Variants in TEC observed in about 807,000 individuals in gnomAD.
The protein encoded by TEC is tyrosine-protein kinase Tec.
TEC carries 72 observed loss-of-function variants against 93.0 expected under a neutral mutation model. The observed-to-expected ratio is 0.77, with a 90% confidence interval of 0.64 to 0.94. TEC has a LOEUF of 0.94. Among genes scored for constraint, TEC ranks in the 40% least tolerant of loss-of-function variants. TEC has a pLI of 0.00. For missense variants in TEC, 630 were observed against 757.9 expected (o/e 0.83, Z 1.98); for synonymous variants, 249 against 247.7 (o/e 1.01, Z -0.05).
At chr4:48,148,181 C>T (rs970287367) in intron 11 of TEC, among the ~76,000 whole-genome samples, 6 of 151,960 alleles carry the variant, frequency 3.9e-5, no homozygotes, top group Admixed American at 6.6e-5. Context: ...TGATAGTTGG[C>T]ACAACTCTGT....
At chr4:48,212,108 A>T (rs866496800) in intron 2 of TEC, among the ~76,000 whole-genome samples, 1 of 86,584 alleles carries the variant, frequency 1.2e-5, no homozygotes, top group Admixed American at 1.5e-4. Flanking sequence ...CAAAAAAAAA[A>T]AAATATATAT....
intron 2 of TEC, among the ~76,000 whole-genome samples, chr4:48,227,883 C>T (rs1723525730): frequency 6.6e-6 from 1 of 152,140 alleles, no homozygotes; most frequent in South Asian, 2.1e-4. Flanking sequence ...GAAGGAGAAG[C>T]TAAAGCCACC....
At position 48,139,019 on chromosome 4, in the gene TEC, A is replaced by G. The variant is rs56403416; in HGVS notation, c.1539T>C (p.Tyr513=). The part of the protein sequence containing the change: ...VKVSDFGMAR[Y]VLDDQYTSSS... ...AACTTGTGTACTGATCATCCAGAACATACCTAGAGTAAGACACACCATGGG... is the reference window on the plus strand; with the variant it reads ...AACTTGTGTACTGATCATCCAGAACGTACCTAGAGTAAGACACACCATGGG... The change falls in exon 16 of 18, where the codon TAT becomes TAC. Residue 513 remains tyrosine, a synonymous_variant. Coordinates refer to ENST00000381501, the MANE Select transcript of TEC (RefSeq NM_003215.3). The G allele has an allele frequency of 4.1e-4, 659 of 1,612,572 alleles. 1 individual carries two copies. Among genetic ancestry groups the G allele is most frequent in the Non-Finnish European group, 5.4e-4 (641 of 1,178,592 alleles).
At chr4:48,256,669 T>C (rs1724355319) in intron 1 of TEC, among the ~76,000 whole-genome samples, 1 of 152,054 alleles carries the variant, frequency 6.6e-6, no homozygotes. Flanking sequence ...AAAACTTTAC[T>C]TCTATCTTCC....
At chr4:48,212,230 C>T (rs978139589) in intron 2 of TEC, among the ~76,000 whole-genome samples, 5 of 151,660 alleles carry the variant, frequency 3.3e-5, no homozygotes, top group African/African-American at 7.3e-5. Flanking sequence ...TAACACCTCA[C>T]AGGGGTACAG....
At chr4:48,166,802 A>G (rs1255257684) in intron 7 of TEC, among the ~76,000 whole-genome samples, 4 of 151,852 alleles carry the variant, frequency 2.6e-5, no homozygotes, top group Admixed American at 1.3e-4. Context: ...AGTTGCAAAT[A>G]AGTTAATAAT....
At chr4:48,266,772 A>C (rs1724645625) in intron 1 of TEC, among the ~76,000 whole-genome samples, 1 of 151,190 alleles carries the variant, frequency 6.6e-6, no homozygotes, top group Admixed American at 6.6e-5. Context: ...CGGGAGGCAG[A>C]GGTTGTGGTG....
chr4:48,246,395 C>T (rs1287515950), intron 1 of TEC, among the ~76,000 whole-genome samples: 1 of 151,676 alleles, frequency 6.6e-6, no homozygotes, highest in African/African-American at 2.4e-5. Flanking sequence ...AAAATCCCAA[C>T]AACCTTTTCT....
chr4:48,141,270 T>C, intron 15 of TEC, 85 bp downstream of exon 15: 3 of 1,173,562 alleles, frequency 2.6e-6, no homozygotes, highest in South Asian at 2.5e-5. Context: ...TCCTTTCTGC[T>C]TCATCAGTGC....
intron 9 of TEC, among the ~76,000 whole-genome samples, chr4:48,153,122 T>C (rs1212190371): frequency 6.6e-6 from 1 of 152,162 alleles, no homozygotes; most frequent in Non-Finnish European, 1.5e-5. Context: ...TTTCAGCACA[T>C]TTATTTCTAA....
At chr4:48,235,231 C>T (rs1390697438) in intron 1 of TEC, among the ~76,000 whole-genome samples, 1 of 152,060 alleles carries the variant, frequency 6.6e-6, no homozygotes, top group Admixed American at 6.5e-5. Context: ...CTACCTGCTC[C>T]CTTAAAGCTT....
intron 2 of TEC, among the ~76,000 whole-genome samples, chr4:48,204,033 T>C (rs1158875818): frequency 6.6e-6 from 1 of 152,228 alleles, no homozygotes; most frequent in Admixed American, 6.5e-5. Flanking sequence ...TTTGCTTTCC[T>C]ATATTTGCAT....
chr4:48,255,335 G>A lies in TEC; in HGVS notation c.-46+14417C>T, dbSNP rs533457139. Among the ~76,000 whole-genome samples, 18 of 152,230 alleles carry A rather than the reference G, an allele frequency of 1.2e-4. 1 individual carries two copies. The highest frequency in any genetic ancestry group is 4.3e-4 in the African/African-American group (18 of 41,532). ...AGAGCTCCCCCTTTCCTAAATGCCA[G>A]CAGAAGAGTCCCATTGAGCCAGACT... is the stretch of plus-strand genomic sequence containing the variant. On this transcript the variant is annotated intron_variant, in intron 1 of 17. Coordinates refer to ENST00000381501, the MANE Select transcript of TEC (RefSeq NM_003215.3).
chr4:48,163,651 A>C (rs1302938361), intron 8 of TEC, 51 bp downstream of exon 8: 1 of 1,196,778 alleles, frequency 8.4e-7, no homozygotes, highest in South Asian at 1.5e-5. Flanking sequence ...CATAATTAGG[A>C]AAATGAAAAG....
intron 1 of TEC, among the ~76,000 whole-genome samples, chr4:48,267,784 C>A (rs967149413): frequency 1.3e-5 from 2 of 152,170 alleles, no homozygotes; most frequent in African/African-American, 4.8e-5. Flanking sequence ...GACCAAGTAC[C>A]CCTGCCCTGA....
intron 1 of TEC, among the ~76,000 whole-genome samples, chr4:48,258,785 T>C (rs1315797566): frequency 6.6e-6 from 1 of 152,212 alleles, no homozygotes; most frequent in Non-Finnish European, 1.5e-5. Flanking sequence ...CCCTGATTAT[T>C]TATTTAATTC....
In TEC at chr4:48,151,092, C is replaced by A. The variant is rs552724932; in HGVS notation, c.793-150G>T. ...GAAGAAGCACAACTTACCAGTAGGG[C>A]CCCTTGGTTTCTCCCACCCACATGA... On this transcript the variant is annotated intron_variant, in intron 9 of 17. Transcript: ENST00000381501. 9.8e-6 allele frequency: 5 copies of A among 509,786 alleles called. No individual in the cohort carries two copies. The South Asian group carries it at 2.3e-4, about 23-fold the overall frequency. 31.6% of individuals were successfully genotyped at this position (509,786 alleles called of 1,614,324 possible).
chr4:48,259,813 T>C lies in TEC; in HGVS notation c.-46+9939A>G, dbSNP rs1436937810. Among the ~76,000 whole-genome samples the C allele has an allele frequency of 7.2e-5, 11 of 152,096 alleles. No individual in the cohort carries two copies. The East Asian group carries it at 2.1e-3, about 29-fold the overall frequency. On this transcript the variant is annotated intron_variant, in intron 1 of 17. Coordinates refer to ENST00000381501, the MANE Select transcript of TEC (RefSeq NM_003215.3). ...AAGAAACTACATTAATGCAAAATTC[T>C]CTAACATTGCTGGTTGCCTTGCACA... is the stretch of plus-strand genomic sequence containing the variant.
At chr4:48,186,290 A>T (rs1721839977) in intron 2 of TEC, among the ~76,000 whole-genome samples, 1 of 151,494 alleles carries the variant, frequency 6.6e-6, no homozygotes, top group African/African-American at 2.4e-5. Flanking sequence ...CCGTCTGGGA[A>T]GTGAGGAGCG....
Sources: allele counts gnomAD v4.1 joint callset (sites outside exome capture counted in the v4.1 genomes callset), GRCh38; gene constraint gnomAD v4.1.1; transcripts MANE v1.5; gene names NCBI Gene and HGNC (gene_info 2026-07-23, HGNC 2026-07-21).